UNC13A: variants seen among roughly 807,000 people sequenced by gnomAD.
UNC13A encodes unc-13 homolog A, also known as protein unc-13 homolog A.
Under a neutral mutation model 219.7 loss-of-function variants are expected in UNC13A, and 61 were observed. The ratio of observed to expected loss-of-function variants is 0.28; its 90% confidence interval spans 0.23 to 0.34. The LOEUF is 0.34. UNC13A is among the 10% of genes least tolerant of loss of function. UNC13A has a pLI of 1.00. For missense variants in UNC13A, 1,476 were observed against 2,270.3 expected (o/e 0.65, Z 7.11); for synonymous variants, 920 against 884.6 (o/e 1.04, Z -0.71).
At chr19:17,641,231 A>G (rs2076965696) in intron 21 of UNC13A, among the ~76,000 whole-genome samples, 162 bp downstream of exon 21, 1 of 151,942 alleles carries the variant, frequency 6.6e-6, no homozygotes, top group South Asian at 2.1e-4. Flanking sequence ...CCAGGTGTCA[A>G]TCACAGCGCT....
chr19:17,648,320 C>T (rs1441962096), intron 16 of UNC13A, 111 bp downstream of exon 16: 5 of 959,310 alleles, frequency 5.2e-6, no homozygotes, highest in African/African-American at 5.2e-5. Flanking sequence ...CGCCCCTTGC[C>T]CCGCCCCATG....
In UNC13A at chr19:17,656,184, G is replaced by A; in HGVS notation, c.982C>T (p.Leu328=). 1 of 1,552,170 alleles carries A rather than the reference G, an allele frequency of 6.4e-7. No homozygotes were observed. The highest frequency in any genetic ancestry group is 2.0e-5 in the Admixed American group (1 of 50,988). Residue 328 remains leucine (L), a synonymous_variant, in exon 10 of 44, where the codon CTG becomes TTG. Coordinates refer to ENST00000519716, the MANE Select transcript of UNC13A (RefSeq NM_001080421.3). ...TCCTCCTCCTCCAGGAAGTCCTCCA[G>A]GTCCTCCTCCAGCTCTTCCTCATCC... ...DQDEEELEED[L]EDFLEEEELP...
chr19:17,674,527 G>T lies in UNC13A; in HGVS notation c.152+130C>A. On this transcript the variant is annotated intron_variant, in intron 3 of 43. Transcript: ENST00000519716. The surrounding 1 kb of genome is among the most constrained non-coding windows in gnomAD (Gnocchi z 5.0). ...GTGTTTTGGAGGTGAAGGTGATAAG[G>T]TGGACAGGGGAAGAGGGAGGACAGA... 1 of 722,748 alleles carries T rather than the reference G, an allele frequency of 1.4e-6. No homozygotes were observed. Among genetic ancestry groups the T allele is most frequent in the Non-Finnish European group, 2.4e-6 (1 of 421,888 alleles). The allele number at this position is 722,748 out of a possible 1,614,324, so 44.8% of individuals were successfully genotyped here.
In UNC13A at chr19:17,647,389, C is replaced by A; in HGVS notation, c.1920G>T (p.Glu640Asp). 1 of 1,613,730 alleles carries A rather than the reference C, an allele frequency of 6.2e-7. No homozygotes were observed. The highest frequency in any genetic ancestry group is 8.5e-7 in the Non-Finnish European group (1 of 1,179,830). Reference protein sequence around the residue: ...RMKIRERNKPEIFELIQEIFA... With the variant: ...RMKIRERNKPDIFELIQEIFA... The stretch of plus-strand genomic sequence containing the variant: ...AGATCTCCTGGATGAGCTCGAAGAT[C>A]TCGGGCTTGTTGCGCTCCCGGATCT... Residue 640 changes from glutamate (E) to aspartate (D), a missense_variant, in exon 17 of 44, where the codon GAG becomes GAT. Coordinates refer to ENST00000519716, the MANE Select transcript of UNC13A (RefSeq NM_001080421.3).
At chr19:17,628,346 C>T (rs887180174) in intron 31 of UNC13A, 2 of 219,136 alleles carry the variant, frequency 9.1e-6, no homozygotes, top group African/African-American at 2.3e-5. Flanking sequence ...ACACGAGACC[C>T]CCCCCACAGA....
In UNC13A at chr19:17,627,820, G is replaced by A; in HGVS notation, c.3831+43C>T. On this transcript the variant is annotated intron_variant, in intron 32 of 43. Coordinates refer to ENST00000519716, the MANE Select transcript of UNC13A (RefSeq NM_001080421.3). This position sits in a 1 kb window ranked among gnomAD's most constrained non-coding sequence, Gnocchi z 4.7. Reference sequence around the variant, plus strand: ...GGGCCTGCAGGGACACAGTGGTGGGGGTGCCCCATCCCTTCTCCAGCCCTG... The same window carrying A: ...GGGCCTGCAGGGACACAGTGGTGGGAGTGCCCCATCCCTTCTCCAGCCCTG... 1 of 1,556,348 alleles carries A rather than the reference G, an allele frequency of 6.4e-7. No individual in the cohort carries two copies. The highest frequency in any genetic ancestry group is 1.7e-4 in the Middle Eastern group (1 of 5,982).
chr19:17,628,057 T>A, intron 31 of UNC13A, 117 bp from the exon 32 acceptor site: 3 of 902,300 alleles, frequency 3.3e-6, no homozygotes, highest in Non-Finnish European at 5.2e-6. Flanking sequence ...GAAGCTGGGG[T>A]CCCATGGGGT....
At chr19:17,670,980 CA>C (rs1002596182) in intron 4 of UNC13A, among the ~76,000 whole-genome samples, 3 of 146,806 alleles carry the variant, frequency 2.0e-5, no homozygotes, top group African/African-American at 7.8e-5. Flanking sequence ...AACGAACAAA[CA>C]AAAAACAGTC....
intron 16 of UNC13A, 113 bp downstream of exon 16, chr19:17,648,318 G>GC: frequency 3.0e-4 from 27 of 90,250 alleles, no homozygotes; most frequent in South Asian, 6.7e-4. Context: ...CCCGCCCCTT[G>GC]CCCCGCCCCA....
In UNC13A at chr19:17,655,369, C is replaced by T. The variant is rs2079431274; in HGVS notation, c.1297G>A (p.Glu433Lys). Reference sequence around the variant, plus strand: ...TGCCCCTCCTGGCCTTCCTCATCCTCTCTCGGCCTGAAACTGAGGCAGGGA... The same window carrying T: ...TGCCCCTCCTGGCCTTCCTCATCCTTTCTCGGCCTGAAACTGAGGCAGGGA... The part of the protein sequence containing the change: ...PKDEESFRPR[E>K]DEEGQEGQDS... The change falls in exon 11 of 44, where the codon GAG (glutamate) becomes AAG (lysine). Residue 433 changes from glutamate to lysine, a missense_variant. By Grantham distance (56) the Glu-to-Lys change is moderately conservative. Around this residue, in one of 14 missense-constraint regions of UNC13A, gnomAD observed 351 missense variants for 342.6 expected, o/e 1.02. Transcript: ENST00000519716. 4 of 1,583,384 alleles carry T rather than the reference C, an allele frequency of 2.5e-6. No individual in the cohort carries two copies. Among genetic ancestry groups the T allele is most frequent in the Non-Finnish European group, 3.4e-6 (4 of 1,165,108 alleles).
Position 17,674,499 on chromosome 19 carries a change from G to T in UNC13A, c.152+158C>A, listed in dbSNP as rs983972547. Among the ~76,000 whole-genome samples the T allele has an allele frequency of 2.0e-5, 3 of 152,146 alleles. No homozygotes were observed. The highest frequency in any genetic ancestry group is 4.4e-5 in the Non-Finnish European group (3 of 68,022). On this transcript the variant is annotated intron_variant, in intron 3 of 43. Transcript: ENST00000519716. The surrounding 1 kb of genome is among the most constrained non-coding windows in gnomAD (Gnocchi z 5.0). ...GACCAAGGGAAGTGATTGGATTGGG[G>T]ATGTGTTTTGGAGGTGAAGGTGATA... is the stretch of plus-strand genomic sequence containing the variant.
intron 5 of UNC13A, among the ~76,000 whole-genome samples, chr19:17,669,114 G>T (rs2079725997): frequency 1.3e-5 from 2 of 152,162 alleles, no homozygotes; most frequent in Admixed American, 1.3e-4. Context: ...GTTCTTAGAA[G>T]AATGAGGTGG....
intron 12 of UNC13A, 71 bp downstream of exon 12, chr19:17,652,560 G>C: frequency 6.3e-7 from 1 of 1,598,482 alleles, no homozygotes; most frequent in Non-Finnish European, 8.6e-7. Context: ...CTGGGCTGAG[G>C]CTCAGGCGCA....
intron 43 of UNC13A, 131 bp downstream of exon 43, chr19:17,609,809 C>T: frequency 7.6e-7 from 1 of 1,311,752 alleles, no homozygotes; most frequent in African/African-American, 1.5e-5. Flanking sequence ...TTCCAGCACC[C>T]CCACCTAGAA....
At chr19:17,652,587 G>C in intron 12 of UNC13A, 44 bp downstream of exon 12, 2 of 1,613,036 alleles carry the variant, frequency 1.2e-6, no homozygotes, top group African/African-American at 1.3e-5. Context: ...CCTTGGACTT[G>C]GGGTTCAAAT....
At position 17,624,122 on chromosome 19, in the gene UNC13A, C is replaced by CTTTTT. The variant is rs762349924; in HGVS notation, c.4198-580_4198-576dup. Among the ~76,000 whole-genome samples, 3 of 136,470 alleles carry CTTTTT rather than the reference C, an allele frequency of 2.2e-5. 1 individual carries two copies. Among genetic ancestry groups the CTTTTT allele is most frequent in the African/African-American group, 8.4e-5 (3 of 35,506 alleles). The allele number at this position is 136,470 out of a possible 152,430, so 89.5% of individuals were successfully genotyped here. ...AAACCCATTGATGTCTATGCCTTCT[C>CTTTTT]TTTTTTTTTTTTGTTTTTTTGAGAA... On this transcript the variant is annotated intron_variant, in intron 35 of 43. Coordinates refer to ENST00000519716, the MANE Select transcript of UNC13A (RefSeq NM_001080421.3).
chr19:17,681,047 G>A (rs1408416480), intron 1 of UNC13A, among the ~76,000 whole-genome samples: 4 of 146,100 alleles, frequency 2.7e-5, no homozygotes, highest in Non-Finnish European at 4.5e-5. Flanking sequence ...CTGCAGGTGC[G>A]CATCACCATG....
chr19:17,626,539 C>T, intron 34 of UNC13A, 94 bp downstream of exon 34: 3 of 1,357,944 alleles, frequency 2.2e-6, no homozygotes, highest in Non-Finnish European at 2.9e-6. Context: ...ACCCAGCAAA[C>T]ATTCCCTGCA....
chr19:17,639,917 G>T lies in UNC13A; in HGVS notation c.2788-9C>A. On this transcript the variant is annotated splice_polypyrimidine_tract_variant and intron_variant, in intron 22 of 43. Coordinates refer to ENST00000519716, the MANE Select transcript of UNC13A (RefSeq NM_001080421.3). The stretch of plus-strand genomic sequence containing the variant: ...TTCACGAAGCGCTCTTTCTGAGGAG[G>T]AAGGGGAGGAGGGAGGATGGATGGA... 6.2e-7 allele frequency: 1 copy of T among 1,613,738 alleles called. No individual in the cohort carries two copies. The highest frequency in any genetic ancestry group is 8.5e-7 in the Non-Finnish European group (1 of 1,179,824).
Sources: gnomAD v4.1 joint callset for allele counts (sites outside exome capture counted in the v4.1 genomes callset) on GRCh38, gnomAD v4.1.1 for gene constraint, gnomAD v4.1.1 regional missense constraint, Gnocchi (gnomAD v3.1) non-coding constraint, MANE v1.5 for transcripts, NCBI Gene and HGNC (gene_info 2026-07-23, HGNC 2026-07-21) for gene names.